Variants in SLC6A4 observed in about 807,000 individuals in gnomAD.
SLC6A4 encodes the protein solute carrier family 6 member 4.
A neutral mutation model predicts 73.4 loss-of-function variants in SLC6A4; 22 were observed. The ratio of observed to expected loss-of-function variants is 0.30; its 90% CI spans 0.21 to 0.43. SLC6A4 has a LOEUF of 0.43. Ranked by LOEUF, SLC6A4 falls within the 20% of genes least tolerant of loss-of-function variation. The pLI, the probability that SLC6A4 is intolerant of heterozygous loss-of-function variation, is 1.00. For missense variants in SLC6A4, 593 were observed against 808.5 expected (o/e 0.73, Z 3.23); for synonymous variants, 270 against 315.5 (o/e 0.86, Z 1.53).
chr17:30,216,994 C>A (rs1906598362), intron 6 of SLC6A4, among the ~76,000 whole-genome samples, 172 bp downstream of exon 6: 1 of 152,112 alleles, frequency 6.6e-6, no homozygotes, highest in Non-Finnish European at 1.5e-5. Context: ...GCCACCATGC[C>A]CAACCCACTT....
chr17:30,219,611 G>A (rs781419040), intron 3 of SLC6A4, among the ~76,000 whole-genome samples: 10 of 152,188 alleles, frequency 6.6e-5, no homozygotes, highest in Admixed American at 1.3e-4. Flanking sequence ...CCTGACAAGC[G>A]CCGTTTGCAG....
intron 1 of SLC6A4, among the ~76,000 whole-genome samples, chr17:30,233,172 T>A (rs1177666295): frequency 6.6e-6 from 1 of 152,142 alleles, no homozygotes; most frequent in Non-Finnish European, 1.5e-5. Context: ...TTTTATGAGA[T>A]GTTTCGCTCC....
At chr17:30,226,746 G>C (rs1906936269) in intron 1 of SLC6A4, among the ~76,000 whole-genome samples, 1 of 151,820 alleles carries the variant, frequency 6.6e-6, no homozygotes, top group Non-Finnish European at 1.5e-5. Context: ...GCCGGGCGTG[G>C]TGGTGCATGT....
At chr17:30,217,663 T>C (rs927750113) in intron 5 of SLC6A4, among the ~76,000 whole-genome samples, 2 of 152,210 alleles carry the variant, frequency 1.3e-5, no homozygotes, top group African/African-American at 2.4e-5. Context: ...CTCTTTGGGC[T>C]GCCATTGCCT....
intron 1 of SLC6A4, among the ~76,000 whole-genome samples, chr17:30,225,115 C>G (rs1186925861): frequency 6.6e-6 from 1 of 152,138 alleles, no homozygotes; most frequent in African/African-American, 2.4e-5. Flanking sequence ...CACAGGCTGT[C>G]TCTCTCTATC....
At chr17:30,204,690 C>G (rs1240651979) in intron 13 of SLC6A4, among the ~76,000 whole-genome samples, 1 of 152,104 alleles carries the variant, frequency 6.6e-6, no homozygotes, top group Non-Finnish European at 1.5e-5. Flanking sequence ...TTTTAGTAAG[C>G]TACTTGTTGT....
intron 1 of SLC6A4, among the ~76,000 whole-genome samples, chr17:30,234,842 T>C (rs1479927130): frequency 6.6e-6 from 1 of 151,986 alleles, no homozygotes; most frequent in African/African-American, 2.4e-5. Context: ...GAGTCCCAAA[T>C]GGAAAAGGAA....
At position 30,221,609 on chromosome 17, in the gene SLC6A4, T is replaced by C; in HGVS notation, c.343+7A>G. 1 of 1,611,284 alleles carries C rather than the reference T, an allele frequency of 6.2e-7. No individual in the cohort carries two copies. Among genetic ancestry groups the C allele is most frequent in the Non-Finnish European group, 8.5e-7 (1 of 1,177,952 alleles). ...CACAGCCTCTACTCGCAGCCTGTGA[T>C]ACTGACCCCCTCCATTCTGGTAACA... On this transcript the variant is annotated splice_region_variant and intron_variant, in intron 3 of 14. Coordinates refer to ENST00000650711, the MANE Select transcript of SLC6A4 (RefSeq NM_001045.6).
At chr17:30,231,782 C>G (rs1448569941) in intron 1 of SLC6A4, among the ~76,000 whole-genome samples, 1 of 152,242 alleles carries the variant, frequency 6.6e-6, no homozygotes, top group African/African-American at 2.4e-5. Flanking sequence ...CTTACCTCCC[C>G]TCTCCCCTCC....
At chr17:30,199,025 A>G (rs1250764107) in intron 14 of SLC6A4, among the ~76,000 whole-genome samples, 1 of 152,174 alleles carries the variant, frequency 6.6e-6, no homozygotes. Context: ...TTACTAATTT[A>G]ATGAATTCAC....
In SLC6A4 at chr17:30,215,482, T is replaced by C; in HGVS notation, c.1076+129A>G. ...GCTGGTCAGGGGCCTGCAGCACCCC[T>C]GAGGGGCAGTGGTATCAAGGCCTAA... is the stretch of plus-strand genomic sequence containing the variant. On this transcript the variant is annotated intron_variant, in intron 8 of 14. Transcript: ENST00000650711. The C allele has an allele frequency of 8.0e-6, 6 of 754,472 alleles. No individual in the cohort carries two copies. The Middle Eastern group carries it at 1.1e-3, about 136-fold the overall frequency. 46.7% of individuals were successfully genotyped at this position (754,472 alleles called of 1,614,324 possible). A position where few individuals can be genotyped will look rare whatever the true frequency, so the allele number is the denominator to read the frequency against.
chr17:30,232,837 G>A (rs1907154125), intron 1 of SLC6A4, among the ~76,000 whole-genome samples: 1 of 152,204 alleles, frequency 6.6e-6, no homozygotes, highest in Admixed American at 6.5e-5. Context: ...AGCAGCCCCT[G>A]CAGAGACGTT....
intron 1 of SLC6A4, among the ~76,000 whole-genome samples, chr17:30,227,067 A>G (rs926738467): frequency 6.6e-6 from 1 of 152,216 alleles, no homozygotes; most frequent in Non-Finnish European, 1.5e-5. Context: ...GCGTGTTTAG[A>G]TAGCTCACAT....
chr17:30,207,475 C>T (rs1288342958), intron 13 of SLC6A4, among the ~76,000 whole-genome samples: 3 of 152,144 alleles, frequency 2.0e-5, no homozygotes, highest in South Asian at 2.1e-4. Context: ...GCAACCTCCG[C>T]CTCCTGGGTT....
Position 30,210,629 on chromosome 17 carries a change from C to A in SLC6A4, c.1335G>T (p.Gly445=). The A allele has an allele frequency of 6.2e-7, 1 of 1,612,172 alleles. No individual in the cohort carries two copies. Among genetic ancestry groups the A allele is most frequent in the Non-Finnish European group, 8.5e-7 (1 of 1,179,170 alleles). Residue 445 remains glycine, a synonymous_variant, in exon 11 of 15, where the codon GGG becomes GGT. Coordinates refer to ENST00000650711, the MANE Select transcript of SLC6A4 (RefSeq NM_001045.6). The stretch of plus-strand genomic sequence containing the variant: ...ACTCATCCAGCACAGCCGTGATCAC[C>A]CCCTCCAAGCCTGCAAACTGAGAGG... ...GLDSTFAGLE[G]VITAVLDEFP...
intron 1 of SLC6A4, among the ~76,000 whole-genome samples, chr17:30,227,734 C>T (rs189099594): frequency 2.0e-5 from 3 of 152,172 alleles, no homozygotes; most frequent in Non-Finnish European, 4.4e-5. Flanking sequence ...GCAATCCTCC[C>T]GCCTTGGCCT....
In SLC6A4 at chr17:30,211,175, C is replaced by T. The variant is rs35842343; in HGVS notation, c.1317+137G>A. ...GGGTGGTAAATGCCGAGGAGTCAGC[C>T]GGGGGTCTGGAGCACCAGAAGGGAG... On this transcript the variant is annotated intron_variant, in intron 10 of 14. Transcript: ENST00000650711. This position sits in a 1 kb window ranked among gnomAD's most constrained non-coding sequence, Gnocchi z 4.0. The T allele has an allele frequency of 1.4e-3, 873 of 622,492 alleles. No homozygotes were observed. Among genetic ancestry groups the T allele is most frequent in the Non-Finnish European group, 2.1e-3 (741 of 347,438 alleles). 38.6% of individuals were successfully genotyped at this position (622,492 alleles called of 1,614,324 possible).
At chr17:30,229,408 G>A (rs1395301174) in intron 1 of SLC6A4, among the ~76,000 whole-genome samples, 1 of 152,124 alleles carries the variant, frequency 6.6e-6, no homozygotes, top group African/African-American at 2.4e-5. Flanking sequence ...GGTGGGGAGG[G>A]GGCTGACAAT....
intron 1 of SLC6A4, among the ~76,000 whole-genome samples, chr17:30,226,932 A>G (rs1286884652): frequency 6.6e-6 from 1 of 151,884 alleles, no homozygotes; most frequent in Non-Finnish European, 1.5e-5. Flanking sequence ...GCCTGCATGG[A>G]GTCCACAGGC....
Sources: allele counts gnomAD v4.1 joint callset (sites outside exome capture counted in the v4.1 genomes callset), GRCh38; gene constraint gnomAD v4.1.1; non-coding constraint Gnocchi (gnomAD v3.1); transcripts MANE v1.5; gene names NCBI Gene and HGNC (gene_info 2026-07-23, HGNC 2026-07-21).